The following RNF44 variants were observed in gnomAD, a reference collection of about 807,000 sequenced individuals.
RNF44 encodes ring finger protein 44.
A neutral mutation model predicts 53.6 loss-of-function variants in RNF44; 25 were observed. That is an observed-to-expected ratio of 0.47 (90% CI 0.34 to 0.65). The LOEUF is 0.65. Ranked by LOEUF, RNF44 falls within the 30% of genes least tolerant of loss-of-function variation. RNF44 has a pLI of 0.01. For missense variants in RNF44, 581 were observed against 595.5 expected, an observed-to-expected ratio of 0.98 and a Z score of 0.25; for synonymous variants, 282 against 252.2, an observed-to-expected ratio of 1.12 and a Z score of -1.12.
Position 176,529,272 on chromosome 5 carries a change from A to G in RNF44, c.1236+16T>C, listed in dbSNP as rs73804130. The G allele has an allele frequency of 4.5e-3, 7,303 of 1,606,488 alleles. 195 individuals are homozygous for G. In the African/African-American group the frequency reaches 0.064, roughly 14 times the overall value. Reference sequence around the variant, plus strand: ...CTGCATGAGGAATACCCAGGAGCAGACCTGGGCAGTGTTACCTTCAACCAC... The same window carrying G: ...CTGCATGAGGAATACCCAGGAGCAGGCCTGGGCAGTGTTACCTTCAACCAC... On this transcript the variant is annotated intron_variant, in intron 10 of 10. Transcript: ENST00000274811.
At position 176,531,326 on chromosome 5, in the gene RNF44, G is replaced by A. The variant is rs1201007799; in HGVS notation, c.465+137C>T. 6 of 815,776 alleles carry A rather than the reference G, an allele frequency of 7.4e-6. No individual in the cohort carries two copies. Among genetic ancestry groups the A allele is most frequent in the South Asian group, 7.2e-5 (4 of 55,542 alleles). 50.5% of individuals were successfully genotyped at this position (815,776 alleles called of 1,614,324 possible). On this transcript the variant is annotated intron_variant, in intron 4 of 10. Coordinates refer to ENST00000274811, the MANE Select transcript of RNF44 (RefSeq NM_014901.5). The surrounding 1 kb of genome is among the most constrained non-coding windows in gnomAD (Gnocchi z 4.2). ...GTGAACACGCGTATGCTTTCCTGGG[G>A]AGGCCAGGCAGGCGCTCTGACAGCC...
In RNF44 at chr5:176,531,927, G is replaced by T; in HGVS notation, c.297+77C>A. The T allele has an allele frequency of 7.0e-7, 1 of 1,430,230 alleles. No homozygotes were observed. Among genetic ancestry groups the T allele is most frequent in the Non-Finnish European group, 9.5e-7 (1 of 1,058,168 alleles). The allele number at this position is 1,430,230 out of a possible 1,614,324, so 88.6% of individuals were successfully genotyped here. ...GAACGTGAAATGAAGCAAGCTAGGTGAAATCTAGGCCTTGCTGCCTCTGCC... is the reference window on the plus strand; with the variant it reads ...GAACGTGAAATGAAGCAAGCTAGGTTAAATCTAGGCCTTGCTGCCTCTGCC... On this transcript the variant is annotated intron_variant, in intron 3 of 10. Transcript: ENST00000274811. This position sits in a 1 kb window ranked among gnomAD's most constrained non-coding sequence, Gnocchi z 4.2.
Position 176,531,395 on chromosome 5 carries a change from C to T in RNF44, c.465+68G>A, listed in dbSNP as rs1756643111. ...AGCCCAGTTCAGGGCTGCCCTGGGC[C>T]CGCTGAGCCGCTGGCCTGTGCCTGG... is the stretch of plus-strand genomic sequence containing the variant. On this transcript the variant is annotated intron_variant, in intron 4 of 10. Transcript: ENST00000274811. The surrounding 1 kb of genome is among the most constrained non-coding windows in gnomAD (Gnocchi z 4.2). 6.8e-7 allele frequency: 1 copy of T among 1,472,622 alleles called. No homozygotes were observed. The highest frequency in any genetic ancestry group is 9.1e-7 in the Non-Finnish European group (1 of 1,098,044). 91.2% of individuals were successfully genotyped at this position (1,472,622 alleles called of 1,614,324 possible).
intron 1 of RNF44, among the ~76,000 whole-genome samples, chr5:176,534,244 C>A (rs1756966477): frequency 6.6e-6 from 1 of 151,816 alleles, no homozygotes; most frequent in Non-Finnish European, 1.5e-5. Context: ...GCAATGCCAA[C>A]AACTGACAGT....
intron 1 of RNF44, among the ~76,000 whole-genome samples, chr5:176,535,823 G>A (rs775400104): frequency 6.6e-6 from 1 of 152,148 alleles, no homozygotes; most frequent in Non-Finnish European, 1.5e-5. Flanking sequence ...TGCTCTGCCC[G>A]TCCACATCTC....
upstream of RNF44, among the ~76,000 whole-genome samples, chr5:176,541,732 G>A (rs759886258): frequency 4.6e-5 from 7 of 152,090 alleles, no homozygotes; most frequent in African/African-American, 1.7e-4. Context: ...TCTCTCCCTC[G>A]GAGTCAGAAA....
At chr5:176,536,657 T>C (rs1346021570) in intron 1 of RNF44, among the ~76,000 whole-genome samples, 2 of 150,480 alleles carry the variant, frequency 1.3e-5, no homozygotes, top group Non-Finnish European at 3.0e-5. Context: ...GTGCTCGGCG[T>C]GAGACAAAAG....
intron 1 of RNF44, among the ~76,000 whole-genome samples, chr5:176,534,843 G>C (rs1175060852): frequency 6.6e-6 from 1 of 152,252 alleles, no homozygotes. Flanking sequence ...GTGCGCAGGT[G>C]CATGACCTAA....
At chr5:176,533,079 A>G (rs1756852542) in intron 1 of RNF44, among the ~76,000 whole-genome samples, 1 of 152,206 alleles carries the variant, frequency 6.6e-6, no homozygotes, top group South Asian at 2.1e-4. Flanking sequence ...TGTCTTGGAA[A>G]GGGGCTTAGG....
intron 1 of RNF44, among the ~76,000 whole-genome samples, chr5:176,534,010 GTTCC>G (rs2113162514): frequency 6.6e-6 from 1 of 152,330 alleles, no homozygotes; most frequent in African/African-American, 2.4e-5. Flanking sequence ...TCAACACCTA[GTTCC>G]TTCCTGCCAA....
intron 10 of RNF44, 78 bp downstream of exon 10, chr5:176,529,210 G>A: frequency 3.9e-6 from 6 of 1,553,398 alleles, no homozygotes; most frequent in Non-Finnish European, 4.4e-6. Flanking sequence ...ACAAGGACAA[G>A]GAGGGAAACA....
At chr5:176,540,104 C>T (rs1757414593), upstream of RNF44, among the ~76,000 whole-genome samples, 1 of 152,210 alleles carries the variant, frequency 6.6e-6, no homozygotes, top group Non-Finnish European at 1.5e-5. Context: ...AGATGCACCC[C>T]AGCCTTTACC....
chr5:176,530,469 G>C, intron 6 of RNF44, 113 bp downstream of exon 6: 1 of 1,212,664 alleles, frequency 8.2e-7, no homozygotes. Context: ...CCACGTGCAA[G>C]TCAGCCCGGT....
chr5:176,532,306 T>G (rs1756760780), intron 2 of RNF44, 60 bp downstream of exon 2: 4 of 1,541,146 alleles, frequency 2.6e-6, no homozygotes, highest in Non-Finnish European at 2.6e-6. Flanking sequence ...CTCAGGGCCC[T>G]GCGCCCCACC....
intron 7 of RNF44, 43 bp downstream of exon 7, chr5:176,530,039 G>A (rs1003225186): frequency 1.4e-6 from 2 of 1,405,208 alleles, no homozygotes; most frequent in Non-Finnish European, 1.9e-6. Flanking sequence ...GGTTCCAGGA[G>A]AACAGGGCAT....
Position 176,532,374 on chromosome 5 carries a change from G to A in RNF44, c.99C>T (p.Leu33=). Reference sequence around the variant, plus strand: ...GGGAGGCTCCTTCCTACCTTCCCCAGAGCTGGCCCGGGGTGCTGCCAGGTC... The same window carrying A: ...GGGAGGCTCCTTCCTACCTTCCCCAAAGCTGGCCCGGGGTGCTGCCAGGTC... The part of the protein sequence containing the change: ...SAGPGSTPGQ[L]WGSPGLEGPL... Residue 33 remains leucine (L), a synonymous_variant, in exon 2 of 11, where the codon CTC becomes CTT. Coordinates refer to ENST00000274811, the MANE Select transcript of RNF44 (RefSeq NM_014901.5). 2 of 1,609,040 alleles carry A rather than the reference G, an allele frequency of 1.2e-6. No homozygotes were observed. Among genetic ancestry groups the A allele is most frequent in the Non-Finnish European group, 1.7e-6 (2 of 1,178,712 alleles).
chr5:176,529,675 C>T lies in RNF44; in HGVS notation c.1015-31G>A, dbSNP rs115930655. The T allele has an allele frequency of 3.1e-3, 4,985 of 1,612,272 alleles. 79 individuals are homozygous for T. In the African/African-American group the frequency reaches 0.038, roughly 12 times the overall value. ...TGCGGGCAGGAGACGGGGTCAGCGGCGCCCAGGGCTGCAGGTCTCCCAAAC... is the reference window on the plus strand; with the variant it reads ...TGCGGGCAGGAGACGGGGTCAGCGGTGCCCAGGGCTGCAGGTCTCCCAAAC... On this transcript the variant is annotated intron_variant, in intron 8 of 10. Transcript: ENST00000274811.
At chr5:176,542,318 C>T (rs1394730637), upstream of RNF44, among the ~76,000 whole-genome samples, 5 of 151,736 alleles carry the variant, frequency 3.3e-5, no homozygotes, top group South Asian at 4.2e-4. Context: ...GCTGTTTGTC[C>T]AGGTGTGAAG....
intron 1 of RNF44, among the ~76,000 whole-genome samples, chr5:176,535,314 G>A (rs1041671968): frequency 6.6e-6 from 1 of 152,212 alleles, no homozygotes; most frequent in African/African-American, 2.4e-5. Context: ...GGGTGTGAAT[G>A]ATCATTATTA....
Sources: gnomAD v4.1 joint callset for allele counts (sites outside exome capture counted in the v4.1 genomes callset) on GRCh38, gnomAD v4.1.1 for gene constraint, Gnocchi (gnomAD v3.1) non-coding constraint, MANE v1.5 for transcripts, NCBI Gene and HGNC (gene_info 2026-07-23, HGNC 2026-07-21) for gene names.